ASIC2: variants seen among roughly 807,000 people sequenced by gnomAD.
ASIC2 encodes the protein acid-sensing ion channel 2.
A neutral mutation model predicts 57.3 loss-of-function variants in ASIC2; 25 were observed. That is an observed-to-expected ratio of 0.44 (90% CI 0.32 to 0.61). The LOEUF is 0.61. ASIC2 is among the 20% of genes least tolerant of loss of function. ASIC2 has a pLI of 0.06. For synonymous variants in ASIC2, 319 were observed against 307.5 expected (o/e 1.04, Z -0.39); for missense variants, 641 against 738.1 (o/e 0.87, Z 1.52).
At chr17:33,656,473 A>G (rs1349472224) in intron 1 of ASIC2, among the ~76,000 whole-genome samples, 1 of 152,122 alleles carries the variant, frequency 6.6e-6, no homozygotes, top group African/African-American at 2.4e-5. Flanking sequence ...CTGGAACAGA[A>G]CTCAAAGCAT....
intron 3 of ASIC2, among the ~76,000 whole-genome samples, chr17:33,031,836 T>C (rs1417171795): frequency 1.3e-5 from 2 of 152,202 alleles, no homozygotes; most frequent in Non-Finnish European, 2.9e-5. Flanking sequence ...GACCCTGTCA[T>C]CATTGTGAAT....
At chr17:33,254,264 C>CTA (rs34446836) in intron 1 of ASIC2, among the ~76,000 whole-genome samples, 4,795 of 152,228 alleles carry the variant, frequency 0.031, 134 homozygotes, top group Non-Finnish European at 0.045. Context: ...TCTATCAAAC[C>CTA]TATAATCCTC....
At chr17:33,955,511 TG>T (rs1473281262) in intron 1 of ASIC2, 1 of 152,240 alleles carries the variant, frequency 6.6e-6, no homozygotes, top group African/African-American at 2.4e-5. Flanking sequence ...TGCTTCATCT[TG>T]GCAGGGGTAG....
intron 1 of ASIC2, among the ~76,000 whole-genome samples, chr17:33,836,327 G>T (rs1913274144): frequency 6.6e-6 from 1 of 151,470 alleles, no homozygotes; most frequent in African/African-American, 2.4e-5. Context: ...TGGCCAGGCT[G>T]GTCTTGAACT....
chr17:33,962,569 T>A (rs572260373), intron 1 of ASIC2, among the ~76,000 whole-genome samples: 6 of 152,218 alleles, frequency 3.9e-5, no homozygotes, highest in Non-Finnish European at 8.8e-5. Context: ...TCTTCTGTTA[T>A]CATTTCGGGT....
In ASIC2 at chr17:34,156,658, G is replaced by T; in HGVS notation, c.-126C>A. On this transcript the variant is annotated 5_prime_UTR_variant, in exon 1 of 10. Coordinates refer to the ASIC2 transcript ENST00000359872. The surrounding 1 kb of genome is among the most constrained non-coding windows in gnomAD (Gnocchi z 4.4). ...AGAACGCAAGGCAAGCATCGCGCCA[G>T]ATGCTGTGAGTTTATCCTGAGAGCC... 9.8e-7 allele frequency: 1 copy of T among 1,020,998 alleles called. No individual in the cohort carries two copies. The highest frequency in any genetic ancestry group is 1.4e-6 in the Non-Finnish European group (1 of 717,466). The allele number at this position is 1,020,998 out of a possible 1,614,324, so 63.2% of individuals were successfully genotyped here. A position where few individuals can be genotyped will look rare whatever the true frequency, so the allele number is the denominator to read the frequency against.
chr17:33,768,778 C>T (rs892947978), intron 1 of ASIC2, among the ~76,000 whole-genome samples: 1 of 152,138 alleles, frequency 6.6e-6, no homozygotes, highest in Non-Finnish European at 1.5e-5. Context: ...ACCCTTCCCC[C>T]ATCCAGTCCC....
At chr17:33,541,568 G>A (rs1008302540) in intron 1 of ASIC2, among the ~76,000 whole-genome samples, 5 of 152,148 alleles carry the variant, frequency 3.3e-5, no homozygotes, top group Admixed American at 2.0e-4. Flanking sequence ...GAGGCTCAAC[G>A]GAAACTCAGG....
chr17:33,509,258 T>TG (rs1465120475), intron 1 of ASIC2, among the ~76,000 whole-genome samples: 5 of 152,144 alleles, frequency 3.3e-5, no homozygotes, highest in Admixed American at 6.5e-5. Flanking sequence ...ATGTAGGTAA[T>TG]GGGGACCATT....
At chr17:33,527,179 T>C (rs1179601022) in intron 1 of ASIC2, among the ~76,000 whole-genome samples, 1 of 152,158 alleles carries the variant, frequency 6.6e-6, no homozygotes, top group Non-Finnish European at 1.5e-5. Flanking sequence ...CAGATGTGTG[T>C]GCCAGGGAGG....
chr17:33,766,427 C>G (rs1376572595), intron 1 of ASIC2, among the ~76,000 whole-genome samples: 1 of 152,184 alleles, frequency 6.6e-6, no homozygotes, highest in East Asian at 1.9e-4. Context: ...TGAAGCCTCT[C>G]TGCTAGGCTT....
At chr17:33,682,988 T>C (rs1030668032) in intron 1 of ASIC2, among the ~76,000 whole-genome samples, 6 of 152,248 alleles carry the variant, frequency 3.9e-5, no homozygotes, top group Admixed American at 2.0e-4. Flanking sequence ...TAGCAAGTGC[T>C]ACATATTGAG....
At chr17:33,199,172 T>G (rs1419993020) in intron 1 of ASIC2, among the ~76,000 whole-genome samples, 1 of 152,222 alleles carries the variant, frequency 6.6e-6, no homozygotes, top group Non-Finnish European at 1.5e-5. Context: ...AAACATTTAT[T>G]AAGGACCAAT....
rs959782533 is a variant in ASIC2 at position 33,666,863 on chromosome 17, G to A, written c.555+489115C>T. Among the ~76,000 whole-genome samples, 199 of 152,260 alleles carry A rather than the reference G, an allele frequency of 1.3e-3. 2 individuals are homozygous for A. Among genetic ancestry groups the A allele is most frequent in the Non-Finnish European group, 3.8e-4 (26 of 68,020 alleles). On this transcript the variant is annotated intron_variant, in intron 1 of 9. Coordinates refer to the ASIC2 transcript ENST00000359872. ...TGTGGTTTGGGTTGCCAGATAAACT[G>A]CAAGATGCCCAGTTAAATTTGAATT...
intron 1 of ASIC2, chr17:33,533,689 T>C (rs1461666931): frequency 6.6e-6 from 1 of 152,244 alleles, no homozygotes; most frequent in Non-Finnish European, 1.5e-5. Flanking sequence ...GAATCACCAA[T>C]GTCTTCTTTC....
At chr17:33,119,486 T>G (rs2092293310) in intron 1 of ASIC2, among the ~76,000 whole-genome samples, 1 of 152,226 alleles carries the variant, frequency 6.6e-6, no homozygotes, top group African/African-American at 2.4e-5. Context: ...AGGCTTCCAG[T>G]AAACAAAATG....
chr17:33,948,336 T>A (rs1045833360), intron 1 of ASIC2, among the ~76,000 whole-genome samples: 2 of 152,212 alleles, frequency 1.3e-5, no homozygotes, highest in Non-Finnish European at 2.9e-5. Context: ...AGTGTGGGGA[T>A]CCAGGCTCCC....
intron 1 of ASIC2, among the ~76,000 whole-genome samples, chr17:33,681,078 A>G (rs919358494): frequency 2.6e-5 from 4 of 152,178 alleles, no homozygotes; most frequent in Non-Finnish European, 4.4e-5. Flanking sequence ...CCCGATCCAC[A>G]ATGATAAACT....
chr17:33,618,145 A>T (rs977294), intron 1 of ASIC2, among the ~76,000 whole-genome samples: 79,113 of 151,352 alleles, frequency 0.52, 21,388 homozygotes, highest in African/African-American at 0.66. Context: ...GCCACTGTCG[A>T]ATCCATATTC....
Sources: gnomAD v4.1 joint callset for allele counts (sites outside exome capture counted in the v4.1 genomes callset) on GRCh38, gnomAD v4.1.1 for gene constraint, Gnocchi (gnomAD v3.1) non-coding constraint, MANE v1.5 for transcripts, NCBI Gene and HGNC (gene_info 2026-07-23, HGNC 2026-07-21) for gene names.